The following EPHA7 variants were observed in gnomAD, a reference collection of about 807,000 sequenced individuals.
EPHA7 encodes ephrin type-A receptor 7.
A neutral mutation model predicts 112.6 loss-of-function variants in EPHA7; 25 were observed. That is an observed-to-expected ratio of 0.22 (90% CI 0.16 to 0.31). The LOEUF (loss-of-function observed/expected upper bound fraction) is 0.31, where lower values mean the gene tolerates loss of function less well. EPHA7 is among the 10% of genes least tolerant of loss of function. The probability of loss-of-function intolerance (pLI) is 1.00; values close to 1 mark genes in which losing one functional copy is unlikely to be tolerated. For synonymous variants in EPHA7, 437 were observed against 406.5 expected, an observed-to-expected ratio of 1.07 and a Z score of -0.90; for missense variants, 962 against 1,212.6, an observed-to-expected ratio of 0.79 and a Z score of 3.07.
chr6:93,404,464 T>G (rs956451291), intron 3 of EPHA7, among the ~76,000 whole-genome samples: 1 of 151,890 alleles, frequency 6.6e-6, no homozygotes, highest in African/African-American at 2.4e-5. Context: ...CAGACTAGCT[T>G]GATTAAAAAG....
intron 5 of EPHA7, among the ~76,000 whole-genome samples, chr6:93,298,375 A>G (rs73530381): frequency 8.6e-4 from 131 of 152,292 alleles, no homozygotes; most frequent in African/African-American, 3.1e-3. Flanking sequence ...TTTGTTATGG[A>G]TAAGGCTTTC....
At chr6:93,367,394 G>A (rs1029742119) in intron 3 of EPHA7, among the ~76,000 whole-genome samples, 5 of 152,268 alleles carry the variant, frequency 3.3e-5, no homozygotes, top group Admixed American at 1.3e-4. Context: ...AACCTACTGA[G>A]AAAGGTCAGA....
intron 3 of EPHA7, among the ~76,000 whole-genome samples, chr6:93,405,772 T>C (rs1778664934): frequency 7.3e-6 from 1 of 136,920 alleles, no homozygotes; most frequent in African/African-American, 2.6e-5. Context: ...GTTTCTTATA[T>C]TTCTGTATAT....
chr6:93,263,896 C>A lies in EPHA7; in HGVS notation c.1762G>T (p.Ala588Ser). Reference protein sequence around the residue: ...IGRRHCGYSKADQEGDEELYF... With the variant: ...IGRRHCGYSKSDQEGDEELYF... ...AGCTCTTCATCGCCTTCTTGGTCAG[C>A]TTTGCTATAACCACAGTGCCTTGAA... Residue 588 changes from alanine (A) to serine (S), a missense_variant, in exon 9 of 17, where the codon GCT becomes TCT. Around this residue, in one of 3 missense-constraint regions of EPHA7, gnomAD observed 746 missense variants for 889.2 expected, o/e 0.84. Transcript: ENST00000369303. 2 of 1,609,464 alleles carry A rather than the reference C, an allele frequency of 1.2e-6. No individual in the cohort carries two copies. Among genetic ancestry groups the A allele is most frequent in the Non-Finnish European group, 1.7e-6 (2 of 1,177,090 alleles).
rs1266533030 is a variant in EPHA7, at chr6:93,255,335, CA to C, written c.2382+492del. ...TGCACTCCAGCCTGGACAACAAGAA[CA>C]AAACTCCATCTCAACAACAACAACA... On this transcript the variant is annotated intron_variant, in intron 13 of 16. Transcript: ENST00000369303. 2.1e-4 allele frequency among the ~76,000 whole-genome samples: 31 copies of C among 145,154 alleles called. 1 individual carries two copies. Among genetic ancestry groups the C allele is most frequent in the Non-Finnish European group, 4.0e-4 (26 of 65,798 alleles).
intron 6 of EPHA7, among the ~76,000 whole-genome samples, chr6:93,271,665 T>C (rs1272619137): frequency 6.6e-6 from 1 of 151,850 alleles, no homozygotes. Flanking sequence ...AATTTAGTCA[T>C]TATAGGTGGA....
chr6:93,335,113 A>G (rs768831853), intron 5 of EPHA7, among the ~76,000 whole-genome samples: 2 of 152,122 alleles, frequency 1.3e-5, no homozygotes, highest in Non-Finnish European at 2.9e-5. Context: ...GTAATAACAT[A>G]TTCCTCACAA....
At chr6:93,404,447 C>T (rs561721852) in intron 3 of EPHA7, among the ~76,000 whole-genome samples, 1 of 151,834 alleles carries the variant, frequency 6.6e-6, no homozygotes, top group Non-Finnish European at 1.5e-5. Context: ...AATAAGGATT[C>T]GGAAGCCAGA....
At position 93,356,923 on chromosome 6, in the gene EPHA7, C is replaced by G. The variant is rs772199348; in HGVS notation, c.1118G>C (p.Ser373Thr). Residue 373 changes from serine (S) to threonine (T), a missense_variant, in exon 5 of 17, where the codon AGT (serine) becomes ACT (threonine). By Grantham distance (58) the Ser-to-Thr change is moderately conservative. Coordinates refer to ENST00000369303, the MANE Select transcript of EPHA7 (RefSeq NM_004440.4). ...GGGAACACATTCGCCCTGCTCCCAA[C>G]TGCACCGCTTACACAATATTCTGTA... ...VTYRILCKRC[S>T]WEQGECVPCG... 6.2e-7 allele frequency: 1 copy of G among 1,614,170 alleles called. No homozygotes were observed. Among genetic ancestry groups the G allele is most frequent in the South Asian group, 1.1e-5 (1 of 91,078 alleles).
chr6:93,317,648 A>T (rs879705598), intron 5 of EPHA7, among the ~76,000 whole-genome samples: 8 of 152,194 alleles, frequency 5.3e-5, no homozygotes, highest in Non-Finnish European at 7.3e-5. Flanking sequence ...TTCAGATATT[A>T]ACTGCTTGAG....
chr6:93,317,356 A>C (rs1205790243), intron 5 of EPHA7, among the ~76,000 whole-genome samples: 1 of 152,200 alleles, frequency 6.6e-6, no homozygotes, highest in Non-Finnish European at 1.5e-5. Flanking sequence ...ATGGTATAAA[A>C]GGCAGTAGAA....
chr6:93,310,589 G>A (rs1487816281), intron 5 of EPHA7, among the ~76,000 whole-genome samples: 7 of 151,802 alleles, frequency 4.6e-5, no homozygotes, highest in Admixed American at 2.6e-4. Flanking sequence ...GCTTGAACCC[G>A]GGGGATGGAG....
intron 5 of EPHA7, among the ~76,000 whole-genome samples, chr6:93,355,542 T>C (rs1775902736): frequency 6.6e-6 from 1 of 152,166 alleles, no homozygotes; most frequent in East Asian, 1.9e-4. Flanking sequence ...AACACACTAC[T>C]CTAGTAAAGG....
Position 93,356,963 on chromosome 6 carries a change from T to G in EPHA7, c.1078A>C (p.Arg360=). 6.2e-7 allele frequency: 1 copy of G among 1,614,188 alleles called. No homozygotes were observed. The highest frequency in any genetic ancestry group is 2.2e-5 in the East Asian group (1 of 44,876). ...EWSPPADNGG[R]NDVTYRILCK... is the part of the protein sequence containing the mutation. Reference sequence around the variant, plus strand: ...AATATTCTGTAGGTCACATCGTTTCTTCCCCCATTGTCTGCAGGAGGACTC... The same window carrying G: ...AATATTCTGTAGGTCACATCGTTTCGTCCCCCATTGTCTGCAGGAGGACTC... The change falls in exon 5 of 17, where the codon AGA becomes CGA. Residue 360 remains arginine, a synonymous_variant. Transcript: ENST00000369303.
chr6:93,348,353 T>A (rs1400401467), intron 5 of EPHA7, among the ~76,000 whole-genome samples: 1 of 151,766 alleles, frequency 6.6e-6, no homozygotes, highest in Non-Finnish European at 1.5e-5. Flanking sequence ...ATAAAAAATA[T>A]TAAAATAATG....
chr6:93,402,764 A>G (rs552389496), intron 3 of EPHA7, among the ~76,000 whole-genome samples: 1 of 152,146 alleles, frequency 6.6e-6, no homozygotes, highest in East Asian at 1.9e-4. Flanking sequence ...TTTATAATAT[A>G]TAATTTGGAA....
chr6:93,304,655 A>G (rs1773160530), intron 5 of EPHA7, among the ~76,000 whole-genome samples: 1 of 152,068 alleles, frequency 6.6e-6, no homozygotes, highest in African/African-American at 2.4e-5. Flanking sequence ...AATTCTTTCA[A>G]CCCAGAGTTA....
At chr6:93,317,487 A>G (rs1015213565) in intron 5 of EPHA7, among the ~76,000 whole-genome samples, 6 of 152,152 alleles carry the variant, frequency 3.9e-5, no homozygotes, top group Non-Finnish European at 1.5e-5. Flanking sequence ...AGCCATGGTT[A>G]ATTCTCAGAT....
chr6:93,286,673 A>T lies in EPHA7; in HGVS notation c.1325-14251T>A, dbSNP rs546779420. Among the ~76,000 whole-genome samples, 4 of 152,298 alleles carry T rather than the reference A, an allele frequency of 2.6e-5. No individual in the cohort carries two copies. The East Asian group carries it at 5.8e-4, about 22-fold the overall frequency. On this transcript the variant is annotated intron_variant, in intron 5 of 16. Transcript: ENST00000369303. ...AGGCACCAGATCATGGATAAAAATA[A>T]TGTTTTTAAACTGGGGCTTGGAAGA...
Sources: allele counts gnomAD v4.1 joint callset (sites outside exome capture counted in the v4.1 genomes callset), GRCh38; gene constraint gnomAD v4.1.1; regional missense constraint gnomAD v4.1.1; transcripts MANE v1.5; gene names NCBI Gene and HGNC (gene_info 2026-07-23, HGNC 2026-07-21).